Variants in PRTFDC1 observed in about 807,000 individuals in gnomAD.
PRTFDC1 encodes the protein phosphoribosyltransferase domain-containing protein 1.
In PRTFDC1, 38 loss-of-function variants were observed where a neutral mutation model predicts 34.6. The ratio of observed to expected loss-of-function variants is 1.10; its 90% CI spans 0.85 to 1.44. The LOEUF (loss-of-function observed/expected upper bound fraction) is 1.44, where lower values mean the gene tolerates loss of function less well. Ranked by LOEUF, PRTFDC1 falls within the 40% of genes most tolerant of loss-of-function variation. The probability of loss-of-function intolerance (pLI) is 0.00; values close to 1 mark genes in which losing one functional copy is unlikely to be tolerated. For missense variants in PRTFDC1, 270 were observed against 283.0 expected (o/e 0.95, Z 0.33); for synonymous variants, 93 against 98.1 (o/e 0.95, Z 0.31).
chr10:24,916,782 C>G (rs914234575), intron 3 of PRTFDC1, among the ~76,000 whole-genome samples: 3 of 152,122 alleles, frequency 2.0e-5, no homozygotes, highest in African/African-American at 7.2e-5. Context: ...TTTTCAATTT[C>G]CTGTCTGTTT....
At chr10:24,951,761 C>G (rs1849349095) in intron 1 of PRTFDC1, among the ~76,000 whole-genome samples, 1 of 152,116 alleles carries the variant, frequency 6.6e-6, no homozygotes, top group Non-Finnish European at 1.5e-5. Flanking sequence ...CGGGTTGGAT[C>G]CTAGCACACT....
At chr10:24,904,492 C>G (rs1848500952) in intron 3 of PRTFDC1, among the ~76,000 whole-genome samples, 1 of 152,170 alleles carries the variant, frequency 6.6e-6, no homozygotes, top group Non-Finnish European at 1.5e-5. Flanking sequence ...AGTAGGTGTG[C>G]TAGTCTTTGG....
At chr10:24,922,866 A>T (rs1848813204) in intron 3 of PRTFDC1, among the ~76,000 whole-genome samples, 1 of 152,154 alleles carries the variant, frequency 6.6e-6, no homozygotes, top group Non-Finnish European at 1.5e-5. Context: ...AAGCACAAGG[A>T]GTTGGGTGAT....
chr10:24,880,817 T>C (rs571688425), intron 3 of PRTFDC1, among the ~76,000 whole-genome samples: 25 of 55,578 alleles, frequency 4.5e-4, no homozygotes, highest in African/African-American at 1.8e-3. Context: ...GTCTTTCTCT[T>C]TCTTTCTTTC....
intron 3 of PRTFDC1, among the ~76,000 whole-genome samples, chr10:24,883,323 C>T (rs1286828949): frequency 2.6e-5 from 4 of 151,882 alleles, no homozygotes; most frequent in Non-Finnish European, 5.9e-5. Context: ...TCTACTCCAC[C>T]CAGTTTCCAA....
At chr10:24,885,212 G>C (rs543265245) in intron 3 of PRTFDC1, among the ~76,000 whole-genome samples, 2 of 152,204 alleles carry the variant, frequency 1.3e-5, no homozygotes, top group Non-Finnish European at 2.9e-5. Flanking sequence ...ACCCATAAAT[G>C]TTAGGGGCAA....
intron 4 of PRTFDC1, among the ~76,000 whole-genome samples, chr10:24,861,035 C>T (rs567911982): frequency 4.7e-4 from 72 of 152,212 alleles, no homozygotes; most frequent in African/African-American, 1.7e-3. Context: ...TTTGACAGTA[C>T]AGAACCTTGC....
Position 24,952,501 on chromosome 10 carries a change from G to A in PRTFDC1, c.48+27C>T, listed in dbSNP as rs372794666. On this transcript the variant is annotated intron_variant, in intron 1 of 8. Coordinates refer to ENST00000320152, the MANE Select transcript of PRTFDC1 (RefSeq NM_020200.7). This position sits in a 1 kb window ranked among gnomAD's most constrained non-coding sequence, Gnocchi z 5.1. The stretch of plus-strand genomic sequence containing the variant: ...CCAGGGAGGGAGGGGAGCGGGCCGA[G>A]CCCCAAAATAGGGAGTTTGCATTTA... 3 of 1,573,278 alleles carry A rather than the reference G, an allele frequency of 1.9e-6. No homozygotes were observed. The highest frequency in any genetic ancestry group is 2.7e-5 in the African/African-American group (2 of 74,240).
chr10:24,869,727 AT>A (rs1282446963), intron 4 of PRTFDC1, among the ~76,000 whole-genome samples: 3 of 152,046 alleles, frequency 2.0e-5, no homozygotes, highest in African/African-American at 4.8e-5. Context: ...TCCCCGTTGA[AT>A]CTCCTATGAG....
At chr10:24,871,899 G>A (rs893268223) in intron 4 of PRTFDC1, 99 bp downstream of exon 4, 35 of 992,062 alleles carry the variant, frequency 3.5e-5, no homozygotes, top group Non-Finnish European at 5.0e-5. Flanking sequence ...TGGAAAACCC[G>A]GGAGCATGTC....
chr10:24,909,921 C>T (rs961001013), intron 3 of PRTFDC1, among the ~76,000 whole-genome samples: 1 of 150,822 alleles, frequency 6.6e-6, no homozygotes, highest in African/African-American at 2.4e-5. Context: ...GAGGCCAAGG[C>T]GGGTGGATCG....
intron 6 of PRTFDC1, among the ~76,000 whole-genome samples, chr10:24,856,032 C>T (rs759091405): frequency 3.5e-5 from 5 of 143,508 alleles, no homozygotes; most frequent in Admixed American, 7.4e-5. Flanking sequence ...GAGAATTGCT[C>T]GAACCCGGGA....
intron 3 of PRTFDC1, among the ~76,000 whole-genome samples, chr10:24,936,740 C>T (rs1488961161): frequency 6.6e-6 from 1 of 152,176 alleles, no homozygotes; most frequent in East Asian, 1.9e-4. Flanking sequence ...ATAGCCTTCC[C>T]TTCTTTACTT....
At chr10:24,902,148 C>A (rs1196805860) in intron 3 of PRTFDC1, among the ~76,000 whole-genome samples, 1 of 152,008 alleles carries the variant, frequency 6.6e-6, no homozygotes, top group Admixed American at 6.6e-5. Flanking sequence ...ATGGATTACT[C>A]ATCAAAGCTG....
chr10:24,930,644 C>T (rs900990107), intron 3 of PRTFDC1, among the ~76,000 whole-genome samples: 4 of 152,174 alleles, frequency 2.6e-5, no homozygotes, highest in African/African-American at 9.6e-5. Flanking sequence ...TGAGCTCTGG[C>T]GTGGAACTTT....
intron 2 of PRTFDC1, among the ~76,000 whole-genome samples, chr10:24,940,291 C>A (rs2132612816): frequency 6.6e-6 from 1 of 152,204 alleles, no homozygotes; most frequent in African/African-American, 2.4e-5. Flanking sequence ...GTAAGACAAA[C>A]CATAGGCTGG....
At chr10:24,913,796 A>G (rs1848659309) in intron 3 of PRTFDC1, among the ~76,000 whole-genome samples, 2 of 152,244 alleles carry the variant, frequency 1.3e-5, no homozygotes, top group African/African-American at 4.8e-5. Flanking sequence ...AAAGGTCAGG[A>G]AACACACAAA....
chr10:24,860,751 G>C (rs952276348), intron 4 of PRTFDC1, among the ~76,000 whole-genome samples: 1 of 152,052 alleles, frequency 6.6e-6, no homozygotes, highest in Admixed American at 6.5e-5. Flanking sequence ...TACTGCCAGG[G>C]GAGTCCTCTT....
In PRTFDC1 at chr10:24,915,878, C is replaced by T. The variant is rs183280332; in HGVS notation, c.339+21306G>A. ...TCCCTGGATGACCCATTCTTCAGCA[C>T]GGCTTTAAATCCCTTCTATACATTG... is the stretch of plus-strand genomic sequence containing the variant. On this transcript the variant is annotated intron_variant, in intron 3 of 8. Transcript: ENST00000320152. 4.6e-5 allele frequency among the ~76,000 whole-genome samples: 7 copies of T among 152,310 alleles called. No individual in the cohort carries two copies. In the East Asian group the frequency reaches 1.4e-3, roughly 29 times the overall value.
Sources: allele counts gnomAD v4.1 joint callset (sites outside exome capture counted in the v4.1 genomes callset), GRCh38; gene constraint gnomAD v4.1.1; non-coding constraint Gnocchi (gnomAD v3.1); transcripts MANE v1.5; gene names NCBI Gene and HGNC (gene_info 2026-07-23, HGNC 2026-07-21).